FAM9B: variants seen among roughly 807,000 people sequenced by gnomAD.
The protein encoded by FAM9B is protein FAM9B.
In FAM9B, 18 loss-of-function variants were observed where a neutral mutation model predicts 16.6. The ratio of observed to expected loss-of-function variants is 1.09; its 90% CI spans 0.75 to 1.61. The LOEUF (loss-of-function observed/expected upper bound fraction) is 1.61, where lower values mean the gene tolerates loss of function less well. Among genes scored for constraint, FAM9B ranks in the 40% most tolerant of loss-of-function variants. The pLI is 0.00. For missense variants in FAM9B, 155 were observed against 136.0 expected (o/e 1.14, Z -0.70); for synonymous variants, 43 against 42.6 (o/e 1.01, Z -0.03).
At chrX:9,033,754 C>G (rs1180045831) in intron 1 of FAM9B, 98 bp downstream of exon 1, 1 of 744,873 alleles carries the variant, frequency 1.3e-6, no homozygotes, top group Non-Finnish European at 1.6e-6. Flanking sequence ...ACGCTGGGGC[C>G]ATTTCCTCAC....
At chrX:9,027,815 T>C in intron 7 of FAM9B, 53 bp downstream of exon 7, 3 of 963,066 alleles carry the variant, frequency 3.1e-6, no homozygotes, top group Non-Finnish European at 1.5e-6. Flanking sequence ...GACTGTCTTC[T>C]ATTATGCACG....
chrX:9,033,705 A>ACCCCCC, intron 1 of FAM9B, 147 bp downstream of exon 1: 2 of 32,577 alleles, frequency 6.1e-5, no homozygotes, highest in Non-Finnish European at 7.6e-5. Flanking sequence ...ACCCTAGCCC[A>ACCCCCC]CCCTCAGGGC....
At position 9,027,297 on chromosome X, in the gene FAM9B, C is replaced by T. The variant is rs116409964; in HGVS notation, c.492+571G>A. Among the ~76,000 whole-genome samples the T allele has an allele frequency of 4.9e-3, 553 of 111,854 alleles. 3 individuals carry two copies. The highest frequency in any genetic ancestry group is 0.017 in the African/African-American group (518 of 30,836). On this transcript the variant is annotated intron_variant, in intron 7 of 8. Transcript: ENST00000327220. ...TTCAGCAAGAAATAAAAAAGACACACAGTAGTTACGCTTGCCTACTTCCTA... is the reference window on the plus strand; with the variant it reads ...TTCAGCAAGAAATAAAAAAGACACATAGTAGTTACGCTTGCCTACTTCCTA...
intron 6 of FAM9B, 123 bp downstream of exon 6, chrX:9,029,184 C>T (rs1921000104): frequency 1.9e-6 from 1 of 528,714 alleles, no homozygotes; most frequent in Non-Finnish European, 3.2e-6. Flanking sequence ...TCCATTAGTC[C>T]ACTAACGGGC....
Position 9,030,373 on chromosome X carries a change from TTAGA to T in FAM9B, c.182-17_182-14del, listed in dbSNP as rs778523901. The stretch of plus-strand genomic sequence containing the variant: ...GCAGTAAGATCCTCTTTAATGTCAG[TTAGA>T]TAGTAAATGAAAATGGATTAAAAGT... On this transcript the variant is annotated splice_polypyrimidine_tract_variant and intron_variant, in intron 4 of 8. Transcript: ENST00000327220. 8.8e-7 allele frequency: 1 copy of T among 1,140,131 alleles called. No homozygotes were observed. The highest frequency in any genetic ancestry group is 3.0e-5 in the East Asian group (1 of 33,157). 94.0% of individuals were successfully genotyped at this position (1,140,131 alleles called of 1,213,427 possible). A position where few individuals can be genotyped will look rare whatever the true frequency, so the allele number is the denominator to read the frequency against.
At position 9,027,851 on chromosome X, in the gene FAM9B, T is replaced by C. The variant is rs1301646959; in HGVS notation, c.492+17A>G. The C allele has an allele frequency of 8.5e-7, 1 of 1,172,701 alleles. No homozygotes were observed. ...TGTTGTATTTTATAATGTATTATGT[T>C]ACCAAATAGAACAGACCTTTACGAA... On this transcript the variant is annotated intron_variant, in intron 7 of 8. Coordinates refer to ENST00000327220, the MANE Select transcript of FAM9B (RefSeq NM_205849.3).
rs769174837 is a variant in FAM9B, at chrX:9,032,959, C to G, written c.28G>C (p.Gly10Arg). Residue 10 changes from glycine (G) to arginine (R), a missense_variant and splice_region_variant, in exon 2 of 9, where the codon GGA (glycine) becomes CGA (arginine). By Grantham distance (125) the Gly-to-Arg change is moderately radical (BLOSUM62 -2). Coordinates refer to ENST00000327220, the MANE Select transcript of FAM9B (RefSeq NM_205849.3). MAAWGKKHA[G>R]KDPVRDECEE... ...CTGGGTCCCCTTGGGCTGTATTTAC[C>G]TGCATGCTTCTTCCCCCAGGCCGCC... 18 of 1,210,089 alleles carry G rather than the reference C, an allele frequency of 1.5e-5. No individual in the cohort carries two copies. In the East Asian group the frequency reaches 3.0e-4, roughly 20 times the overall value.
Position 9,032,422 on chromosome X carries a change from C to G in FAM9B, c.68G>C (p.Arg23Pro), listed in dbSNP as rs200710909. 17 of 1,209,199 alleles carry G rather than the reference C, an allele frequency of 1.4e-5. No individual in the cohort carries two copies. The Admixed American group carries it at 2.4e-4, about 17-fold the overall frequency. The part of the protein sequence containing the change: ...PVRDECEERN[R>P]FTETREEDVT... ...ATCTTCCTCCCTTGTTTCTGTAAAA[C>G]GGTTTCTTTCCTCACATTCATCACG... The change falls in exon 3 of 9, where the codon CGT becomes CCT. Residue 23 changes from arginine to proline, a missense_variant. Physicochemically the swap from Arg to Pro is moderately radical, Grantham distance 103. Coordinates refer to ENST00000327220, the MANE Select transcript of FAM9B (RefSeq NM_205849.3).
intron 4 of FAM9B, chrX:9,031,007 A>G (rs1921059010): frequency 8.9e-6 from 1 of 112,060 alleles, no homozygotes; most frequent in Non-Finnish European, 1.9e-5. Flanking sequence ...AGAAAACTGT[A>G]ATACTGCAAG....
chrX:9,033,140 G>A, intron 1 of FAM9B, 65 bp from the exon 2 acceptor site: 1 of 1,172,796 alleles, frequency 8.5e-7, no homozygotes, highest in South Asian at 1.9e-5. Context: ...AAAGCCATTG[G>A]GATCACAGGT....
intron 7 of FAM9B, 142 bp from the exon 8 acceptor site, chrX:9,025,725 C>T (rs1321412287): frequency 2.2e-6 from 1 of 445,609 alleles, no homozygotes; most frequent in East Asian, 3.8e-5. Flanking sequence ...AAACTATAAT[C>T]AATACATGGA....
intron 4 of FAM9B, chrX:9,030,809 C>T (rs1459326765): frequency 8.9e-6 from 1 of 112,130 alleles, no homozygotes; most frequent in African/African-American, 3.2e-5. Context: ...GTAGAAATAA[C>T]TTAATGCACA....
At chrX:9,032,543 T>A in intron 2 of FAM9B, 82 bp from the exon 3 acceptor site, 2 of 313,390 alleles carry the variant, frequency 6.4e-6, no homozygotes. Flanking sequence ...GTACTAGTTG[T>A]AGACTTTTTT....
intron 5 of FAM9B, 76 bp from the exon 6 acceptor site, chrX:9,029,494 C>T (rs753039161): frequency 1.5e-5 from 10 of 665,290 alleles, no homozygotes; most frequent in East Asian, 1.4e-4. Flanking sequence ...CCCAAACTGA[C>T]TTGACATAAT....
intron 7 of FAM9B, among the ~76,000 whole-genome samples, 190 bp from the exon 8 acceptor site, chrX:9,025,773 T>G (rs1248128746): frequency 8.9e-6 from 1 of 112,355 alleles, no homozygotes; most frequent in Non-Finnish European, 1.9e-5. Flanking sequence ...ATGCCAGATT[T>G]CAGTGACATA....
rs767023855 is a variant in FAM9B, at chrX:9,029,432, T to G, written c.282-14A>C. The G allele has an allele frequency of 9.2e-7, 1 of 1,088,921 alleles. No individual in the cohort carries two copies. Among genetic ancestry groups the G allele is most frequent in the South Asian group, 1.9e-5 (1 of 53,228 alleles). The allele number at this position is 1,088,921 out of a possible 1,213,427, so 89.7% of individuals were successfully genotyped here. A position where few individuals can be genotyped will look rare whatever the true frequency, so the allele number is the denominator to read the frequency against. On this transcript the variant is annotated splice_polypyrimidine_tract_variant and intron_variant, in intron 5 of 8. Transcript: ENST00000327220. ...TCACGTTTCTGCCTGTAACACATAATAAGTAACACGGTCATACGTCATAGA... is the reference window on the plus strand; with the variant it reads ...TCACGTTTCTGCCTGTAACACATAAGAAGTAACACGGTCATACGTCATAGA...
At position 9,025,481 on chromosome X, in the gene FAM9B, T is replaced by C. The variant is rs1188803402; in HGVS notation, c.*31+3A>G. On this transcript the variant is annotated splice_donor_region_variant and intron_variant, in intron 8 of 8. Coordinates refer to ENST00000327220, the MANE Select transcript of FAM9B (RefSeq NM_205849.3). ...TTTTTAATATTAAATATGCACTACT[T>C]ACAGTTCTGACATGATTTTATTTAA... 1 of 1,093,536 alleles carries C rather than the reference T, an allele frequency of 9.1e-7. No individual in the cohort carries two copies. The highest frequency in any genetic ancestry group is 1.3e-6 in the Non-Finnish European group (1 of 797,917). The allele number at this position is 1,093,536 out of a possible 1,213,427, so 90.1% of individuals were successfully genotyped here.
intron 2 of FAM9B, 159 bp downstream of exon 2, chrX:9,032,800 G>T: frequency 1.3e-6 from 1 of 797,745 alleles, no homozygotes; most frequent in Non-Finnish European, 1.8e-6. Context: ...CCTTGAGCCT[G>T]CTTTGAAAAC....
At chrX:9,032,827 C>G in intron 2 of FAM9B, 132 bp downstream of exon 2, 1 of 951,326 alleles carries the variant, frequency 1.1e-6, no homozygotes, top group Non-Finnish European at 1.4e-6. Context: ...CATCTTAGCA[C>G]GTGCACAATG....
Sources: allele counts gnomAD v4.1 joint callset (sites outside exome capture counted in the v4.1 genomes callset), GRCh38; gene constraint gnomAD v4.1.1; transcripts MANE v1.5; gene names NCBI Gene and HGNC (gene_info 2026-07-23, HGNC 2026-07-21).